Variants in DNAH5 observed in about 807,000 individuals in gnomAD.
DNAH5 encodes the protein dynein axonemal heavy chain 5.
A neutral mutation model predicts 518.2 loss-of-function variants in DNAH5; 372 were observed. That is an observed-to-expected ratio of 0.72 (90% CI 0.66 to 0.78). DNAH5 has a LOEUF of 0.78. Ranked by LOEUF, DNAH5 falls within the 30% of genes least tolerant of loss-of-function variation. DNAH5 has a pLI of 0.00. For missense variants in DNAH5, 5,523 were observed against 5,687.0 expected, an observed-to-expected ratio of 0.97 and a Z score of 0.93; for synonymous variants, 2,039 against 2,025.9, an observed-to-expected ratio of 1.01 and a Z score of -0.17.
At chr5:13,856,430 C>T (rs1376083645) in intron 30 of DNAH5, among the ~76,000 whole-genome samples, 2 of 152,208 alleles carry the variant, frequency 1.3e-5, no homozygotes, top group African/African-American at 4.8e-5. Context: ...AGAAATTCTA[C>T]CAGAGGTTCA....
intron 1 of DNAH5, among the ~76,000 whole-genome samples, chr5:13,959,866 C>G (rs1047496512): frequency 1.3e-5 from 2 of 152,138 alleles, no homozygotes; most frequent in South Asian, 4.1e-4. Context: ...ACTCGGGAGG[C>G]TGAGGCAGGA....
chr5:13,935,507 T>C (rs1220414485), intron 1 of DNAH5, among the ~76,000 whole-genome samples: 1 of 152,238 alleles, frequency 6.6e-6, no homozygotes, highest in Admixed American at 6.5e-5. Flanking sequence ...ATATATTTTC[T>C]TATGTAAACT....
rs760081822 is a variant in DNAH5, at chr5:13,871,678, G to A, written c.3484C>T (p.Gln1162Ter). Residue 1162 changes from glutamine to a stop codon, truncating the protein, a stop_gained, in exon 23 of 79, where the codon CAG (glutamine) becomes TAG (stop). Transcript: ENST00000265104. LOFTEE classifies it high-confidence loss of function. ...TCAAATTCAGAAAGCAAGGGGCTCT[G>A]TGTAATAAATGTCTTAATGGCTTCT... Reference protein sequence around the residue: ...KEEAIKTFITQSPLLSEFESQ... With the variant: ...KEEAIKTFIT 8 of 1,613,812 alleles carry A rather than the reference G, an allele frequency of 5.0e-6. No individual in the cohort carries two copies. The highest frequency in any genetic ancestry group is 6.8e-6 in the Non-Finnish European group (8 of 1,179,798).
At chr5:13,809,215 C>A in intron 45 of DNAH5, 29 bp from the exon 46 acceptor site, 2 of 1,613,478 alleles carry the variant, frequency 1.2e-6, no homozygotes, top group Non-Finnish European at 1.7e-6. Flanking sequence ...ATTTCCATCT[C>A]CATATTAATA....
chr5:13,699,484 C>T (rs1185613639), intron 78 of DNAH5, among the ~76,000 whole-genome samples: 7 of 152,076 alleles, frequency 4.6e-5, no homozygotes, highest in Non-Finnish European at 7.4e-5. Context: ...GAGGCCAAGG[C>T]GGGGGCAGAT....
chr5:13,791,184 T>G (rs1249851779), intron 50 of DNAH5, among the ~76,000 whole-genome samples: 2 of 152,200 alleles, frequency 1.3e-5, no homozygotes, highest in African/African-American at 4.8e-5. Context: ...TAATCAACAC[T>G]TGTGCTTAAT....
intron 1 of DNAH5, among the ~76,000 whole-genome samples, chr5:13,939,286 G>A (rs1352631822): frequency 2.0e-5 from 3 of 152,178 alleles, no homozygotes; most frequent in Non-Finnish European, 4.4e-5. Flanking sequence ...ACCAACGTGA[G>A]TCCACGATTG....
At chr5:13,736,634 C>T (rs926986729) in intron 66 of DNAH5, among the ~76,000 whole-genome samples, 1 of 152,012 alleles carries the variant, frequency 6.6e-6, no homozygotes, top group Non-Finnish European at 1.5e-5. Flanking sequence ...ATCATGTTGA[C>T]CAGGCCTGTC....
intron 1 of DNAH5, among the ~76,000 whole-genome samples, chr5:13,959,625 C>T (rs1781017142): frequency 6.6e-6 from 1 of 152,222 alleles, no homozygotes; most frequent in African/African-American, 2.4e-5. Context: ...GGGTCTCCCT[C>T]TTCATTCCTT....
chr5:13,831,276 A>G (rs191135382), intron 35 of DNAH5, among the ~76,000 whole-genome samples: 24 of 152,316 alleles, frequency 1.6e-4, no homozygotes, highest in African/African-American at 5.8e-4. Flanking sequence ...CCTTGAATCT[A>G]TTTCTGTGAG....
At chr5:13,877,191 G>A (rs1035412203) in intron 21 of DNAH5, among the ~76,000 whole-genome samples, 3 of 152,144 alleles carry the variant, frequency 2.0e-5, no homozygotes, top group Non-Finnish European at 4.4e-5. Context: ...AGCAGTCCCT[G>A]GAAGGGCCAG....
rs1448086239 is a variant in DNAH5, at chr5:13,944,620, T to C, written c.-182A>G. 5 of 632,134 alleles carry C rather than the reference T, an allele frequency of 7.9e-6. No individual in the cohort carries two copies. Among genetic ancestry groups the C allele is most frequent in the African/African-American group, 1.8e-5 (1 of 54,978 alleles). 39.2% of individuals were successfully genotyped at this position (632,134 alleles called of 1,614,324 possible). ...AGAATAAAAATTAAAACTCCACTTA[T>C]ACCACTCAAGTTTTTCTCCTAGAGT... On this transcript the variant is annotated 5_prime_UTR_variant, in exon 1 of 79. Transcript: ENST00000265104.
chr5:13,989,245 GA>G (rs1783316416), intron 1 of DNAH5, among the ~76,000 whole-genome samples: 1 of 152,102 alleles, frequency 6.6e-6, no homozygotes, highest in Non-Finnish European at 1.5e-5. Flanking sequence ...TATTCTACAA[GA>G]AAAAGTGCAG....
At chr5:13,836,872 C>T (rs1382917728) in intron 35 of DNAH5, among the ~76,000 whole-genome samples, 2 of 152,160 alleles carry the variant, frequency 1.3e-5, no homozygotes, top group African/African-American at 2.4e-5. Context: ...AGACACAAGA[C>T]AGAAGAAGGA....
chr5:13,846,578 A>C (rs1021200499), intron 31 of DNAH5, among the ~76,000 whole-genome samples: 4 of 152,176 alleles, frequency 2.6e-5, no homozygotes, highest in Admixed American at 2.6e-4. Flanking sequence ...ACATTCCTCA[A>C]GACAAAGGAG....
chr5:13,721,017 G>A lies in DNAH5; in HGVS notation c.12262C>T (p.Gln4088Ter). The A allele has an allele frequency of 6.2e-7, 1 of 1,614,138 alleles. No homozygotes were observed. Among genetic ancestry groups the A allele is most frequent in the Non-Finnish European group, 8.5e-7 (1 of 1,179,984 alleles). Reference protein sequence around the residue: ...GQEVHARKLLQQTMANGGWAL... With the variant: ...GQEVHARKLL ...AGCCTTACGTTCGCCATGGTCTGCT[G>A]CAAGAGCTTCCGAGCATGGACTTCC... Residue 4088 changes from glutamine (Q) to a stop codon, truncating the protein, a stop_gained, in exon 71 of 79, where the codon CAG becomes TAG. Coordinates refer to ENST00000265104, the MANE Select transcript of DNAH5 (RefSeq NM_001369.3). LOFTEE classifies it high-confidence loss of function.
intron 58 of DNAH5, among the ~76,000 whole-genome samples, chr5:13,766,703 G>A (rs780336292): frequency 1.2e-4 from 18 of 152,252 alleles, no homozygotes; most frequent in Middle Eastern, 3.4e-3. Context: ...TTTAAATGAC[G>A]GGACTTGAGC....
In DNAH5 at chr5:13,849,886, A is replaced by T. The variant is rs112480023; in HGVS notation, c.5114+766T>A. ...AAGCACCATTTGAAGCCCAGTATTT[A>T]AGCCATCAACTGCATCTATGAGGGC... On this transcript the variant is annotated intron_variant, in intron 31 of 78. Transcript: ENST00000265104. 3.6e-3 allele frequency among the ~76,000 whole-genome samples: 551 copies of T among 152,242 alleles called. 4 individuals are homozygous for T. Among genetic ancestry groups the T allele is most frequent in the African/African-American group, 0.013 (529 of 41,534 alleles).
chr5:13,717,392 A>G lies in DNAH5; in HGVS notation c.12628T>C (p.Tyr4210His). Reference sequence around the variant, plus strand: ...TTAAAGTCCGCTTGGTTAAATTCGTAGGGGATATTCCACCCCAGGGCACCG... The same window carrying G: ...TTAAAGTCCGCTTGGTTAAATTCGTGGGGGATATTCCACCCCAGGGCACCG... ...KFGALGWNIP[Y>H]EFNQADFNAT... Residue 4210 changes from tyrosine (Y) to histidine (H), a missense_variant, in exon 73 of 79, where the codon TAC becomes CAC. Physicochemically the swap from Tyr to His is moderately conservative, Grantham distance 83. Coordinates refer to ENST00000265104, the MANE Select transcript of DNAH5 (RefSeq NM_001369.3). The G allele has an allele frequency of 6.2e-7, 1 of 1,614,052 alleles. No homozygotes were observed. The highest frequency in any genetic ancestry group is 8.5e-7 in the Non-Finnish European group (1 of 1,179,996).
Sources: allele counts gnomAD v4.1 joint callset (sites outside exome capture counted in the v4.1 genomes callset), GRCh38; gene constraint gnomAD v4.1.1; transcripts MANE v1.5; gene names NCBI Gene and HGNC (gene_info 2026-07-23, HGNC 2026-07-21).